The following PRKAA1 variants were observed in gnomAD, a reference collection of about 807,000 sequenced individuals.
PRKAA1 encodes protein kinase AMP-activated catalytic subunit alpha 1.
PRKAA1 carries 23 observed loss-of-function variants against 56.9 expected under a neutral mutation model. The ratio of observed to expected loss-of-function variants is 0.40; its 90% CI spans 0.29 to 0.57. The LOEUF (loss-of-function observed/expected upper bound fraction) is 0.57. PRKAA1 is among the 20% of genes least tolerant of loss of function. The probability of loss-of-function intolerance (pLI) is 0.39; values close to 1 mark genes in which losing one functional copy is unlikely to be tolerated. For synonymous variants in PRKAA1, 226 were observed against 227.0 expected, an observed-to-expected ratio of 1.00 and a Z score of 0.04; for missense variants, 413 against 679.7, an observed-to-expected ratio of 0.61 and a Z score of 4.36.
chr5:40,764,519 A>G lies in PRKAA1; in HGVS notation c.1430T>C (p.Ile477Thr). Residue 477 changes from isoleucine (I) to threonine (T), a missense_variant, in exon 8 of 9, where the codon ATT becomes ACT. Coordinates refer to ENST00000397128, the MANE Select transcript of PRKAA1 (RefSeq NM_006251.6). ...SRTYLLDFRS[I>T]DDEITEAKSG... The stretch of plus-strand genomic sequence containing the variant: ...GTTTTGTGTGATGTACATACCATCA[A>G]TACTACGGAAATCCAGTAGATAAGT... 1 of 1,611,340 alleles carries G rather than the reference A, an allele frequency of 6.2e-7. No individual in the cohort carries two copies. Among genetic ancestry groups the G allele is most frequent in the South Asian group, 1.1e-5 (1 of 90,928 alleles).
Position 40,762,259 on chromosome 5 carries a change from G to GAC in PRKAA1, c.*517_*518dup. The GAC allele has an allele frequency of 6.4e-6, 1 of 156,150 alleles. No individual in the cohort carries two copies. The highest frequency in any genetic ancestry group is 2.4e-5 in the African/African-American group (1 of 41,438). The allele number at this position is 156,150 out of a possible 1,614,324, so 9.7% of individuals were successfully genotyped here. A position where few individuals can be genotyped will look rare whatever the true frequency, so the allele number is the denominator to read the frequency against. On this transcript the variant is annotated 3_prime_UTR_variant, in exon 9 of 9. Coordinates refer to ENST00000397128, the MANE Select transcript of PRKAA1 (RefSeq NM_006251.6). Reference sequence around the variant, plus strand: ...TGCACTCCAGCCTGGGTGACAAAGTGACACTGTCTCAAAAAAACAAAGAGG... The same window carrying GAC: ...TGCACTCCAGCCTGGGTGACAAAGTGACACACTGTCTCAAAAAAACAAAGAGG...
intron 1 of PRKAA1, among the ~76,000 whole-genome samples, chr5:40,779,488 C>T (rs1479340668): frequency 1.3e-5 from 2 of 152,082 alleles, no homozygotes; most frequent in East Asian, 3.8e-4. Context: ...TTTTTGCAAG[C>T]ATAAATACTC....
Position 40,763,031 on chromosome 5 carries a change from A to G in PRKAA1, c.1436-9T>C. The G allele has an allele frequency of 3.7e-6, 6 of 1,613,240 alleles. No homozygotes were observed. Among genetic ancestry groups the G allele is most frequent in the Non-Finnish European group, 5.1e-6 (6 of 1,179,368 alleles). On this transcript the variant is annotated splice_polypyrimidine_tract_variant and intron_variant, in intron 8 of 8. Coordinates refer to ENST00000397128, the MANE Select transcript of PRKAA1 (RefSeq NM_006251.6). ...GGCTTCTGTAATTTCATCTGGGTAA[A>G]AAGAATTTCAATTTATTATAGTCTA...
intron 1 of PRKAA1, among the ~76,000 whole-genome samples, chr5:40,783,622 G>C (rs1414685115): frequency 1.3e-5 from 2 of 152,126 alleles, no homozygotes; most frequent in African/African-American, 4.8e-5. Context: ...AACCAGGCGT[G>C]TTGGCACGCA....
chr5:40,782,700 G>C (rs1346284076), intron 1 of PRKAA1, among the ~76,000 whole-genome samples: 2 of 152,028 alleles, frequency 1.3e-5, no homozygotes, highest in African/African-American at 4.8e-5. Flanking sequence ...AATGTGATGG[G>C]AAATTTTATA....
intron 3 of PRKAA1, among the ~76,000 whole-genome samples, chr5:40,773,430 T>C (rs1743844456): frequency 6.6e-6 from 1 of 152,156 alleles, no homozygotes; most frequent in South Asian, 2.1e-4. Context: ...GGGATGTCTA[T>C]AAAGGAAGGT....
At chr5:40,787,475 A>C (rs2112085007) in intron 1 of PRKAA1, among the ~76,000 whole-genome samples, 2 of 151,636 alleles carry the variant, frequency 1.3e-5, no homozygotes, top group Middle Eastern at 6.8e-3. Flanking sequence ...CAAAATAATA[A>C]TAATAATAAT....
rs1744057320 is a variant in PRKAA1, at chr5:40,777,344, C to T, written c.269+101G>A. ...GAAACTTTTCAAAACCCTTAGGAAA[C>T]AAAAAGAAGTGTCAGTCATTTTTCT... On this transcript the variant is annotated intron_variant, in intron 2 of 8. Transcript: ENST00000397128. The T allele has an allele frequency of 2.2e-5, 30 of 1,342,708 alleles. No homozygotes were observed. The South Asian group carries it at 4.2e-4, about 19-fold the overall frequency. The allele number at this position is 1,342,708 out of a possible 1,614,324, so 83.2% of individuals were successfully genotyped here. A position where few individuals can be genotyped will look rare whatever the true frequency, so the allele number is the denominator to read the frequency against.
chr5:40,785,829 C>G (rs1290731240), intron 1 of PRKAA1, among the ~76,000 whole-genome samples: 57 of 57,094 alleles, frequency 1.0e-3, no homozygotes, highest in African/African-American at 3.5e-3. Context: ...AGAGCACACA[C>G]ACACACACAC....
intron 1 of PRKAA1, among the ~76,000 whole-genome samples, chr5:40,796,507 T>C (rs1488413964): frequency 2.0e-5 from 3 of 151,850 alleles, no homozygotes; most frequent in African/African-American, 7.3e-5. Flanking sequence ...TAACAAGAAA[T>C]ATCATAGCCA....
rs897337069 is a variant in PRKAA1 at position 40,775,312 on chromosome 5, T to C, written c.363+98A>G. 4.0e-5 allele frequency: 35 copies of C among 884,876 alleles called. No individual in the cohort carries two copies. In the African/African-American group the frequency reaches 5.1e-4, roughly 13 times the overall value. 54.8% of individuals were successfully genotyped at this position (884,876 alleles called of 1,614,324 possible). ...ATATATGACTAAGGGAACTGGTTAT[T>C]AAATAGACCTCTTAAAATTGGTTGC... is the stretch of plus-strand genomic sequence containing the variant. On this transcript the variant is annotated intron_variant, in intron 3 of 8. Transcript: ENST00000397128.
rs1352750590 is a variant in PRKAA1 at position 40,771,398 on chromosome 5, G to A, written c.508+321C>T. On this transcript the variant is annotated intron_variant, in intron 4 of 8. Coordinates refer to ENST00000397128, the MANE Select transcript of PRKAA1 (RefSeq NM_006251.6). Reference sequence around the variant, plus strand: ...CACGCCTGCAGTCCCAGCTACTCAGGAGGCTGAGGCAGGAGGGTCACCTGG... The same window carrying A: ...CACGCCTGCAGTCCCAGCTACTCAGAAGGCTGAGGCAGGAGGGTCACCTGG... 2.0e-5 allele frequency among the ~76,000 whole-genome samples: 3 copies of A among 152,318 alleles called. No individual in the cohort carries two copies. The East Asian group carries it at 5.8e-4, about 29-fold the overall frequency.
At chr5:40,782,358 T>C (rs989453156) in intron 1 of PRKAA1, among the ~76,000 whole-genome samples, 63 of 152,200 alleles carry the variant, frequency 4.1e-4, no homozygotes, top group African/African-American at 1.4e-3. Flanking sequence ...TTTGGCATTA[T>C]GTACTGAGCA....
At chr5:40,771,477 G>A (rs924007683) in intron 4 of PRKAA1, among the ~76,000 whole-genome samples, 3 of 152,128 alleles carry the variant, frequency 2.0e-5, no homozygotes, top group African/African-American at 7.2e-5. Flanking sequence ...CCTCCAGCCT[G>A]GGCGACAAAG....
At chr5:40,796,369 C>G (rs1372241699) in intron 1 of PRKAA1, among the ~76,000 whole-genome samples, 1 of 151,948 alleles carries the variant, frequency 6.6e-6, no homozygotes. Context: ...TTTATTCAAG[C>G]ATTCAAGTCT....
chr5:40,769,888 A>G (rs1743643160), intron 4 of PRKAA1, among the ~76,000 whole-genome samples: 1 of 148,884 alleles, frequency 6.7e-6, no homozygotes, highest in Non-Finnish European at 1.5e-5. Context: ...TAAAAAAAAA[A>G]AAAAAAAAAA....
At chr5:40,781,435 TCCA>T in intron 1 of PRKAA1, among the ~76,000 whole-genome samples, 1 of 151,960 alleles carries the variant, frequency 6.6e-6, no homozygotes, top group African/African-American at 2.4e-5. Flanking sequence ...AAAGAAGGGA[TCCA>T]ATATAGGAGA....
chr5:40,759,656 G>A lies in PRKAA1; in HGVS notation c.*3122C>T, dbSNP rs1018921586. ...CTTTTCTTTCATTCCAAAGGTGCCA[G>A]TCAGAACACAGATCCATGGAGTTCC... On this transcript the variant is annotated 3_prime_UTR_variant, in exon 9 of 9. Coordinates refer to ENST00000397128, the MANE Select transcript of PRKAA1 (RefSeq NM_006251.6). 6.6e-6 allele frequency: 1 copy of A among 152,302 alleles called. No individual in the cohort carries two copies. The highest frequency in any genetic ancestry group is 1.5e-5 in the Non-Finnish European group (1 of 68,024). The allele number at this position is 152,302 out of a possible 1,614,324, so 9.4% of individuals were successfully genotyped here.
chr5:40,779,834 T>C (rs1479560249), intron 1 of PRKAA1, among the ~76,000 whole-genome samples: 4 of 152,182 alleles, frequency 2.6e-5, no homozygotes, highest in African/African-American at 9.7e-5. Context: ...TTTATGTACA[T>C]GCACAATGCT....
Sources: allele counts gnomAD v4.1 joint callset (sites outside exome capture counted in the v4.1 genomes callset), GRCh38; gene constraint gnomAD v4.1.1; transcripts MANE v1.5; gene names NCBI Gene and HGNC (gene_info 2026-07-23, HGNC 2026-07-21).